Variants in STK4 observed in about 807,000 individuals in gnomAD.
The protein encoded by STK4 is serine/threonine-protein kinase 4.
Under a neutral mutation model 64.9 loss-of-function variants are expected in STK4, and 30 were observed. That is an observed-to-expected ratio of 0.46 (90% CI 0.35 to 0.63). The LOEUF is 0.63. Among genes scored for constraint, STK4 ranks in the 20% least tolerant of loss-of-function variants. The probability of loss-of-function intolerance (pLI) is 0.01; values close to 1 mark genes in which losing one functional copy is unlikely to be tolerated. For missense variants in STK4, 466 were observed against 598.5 expected (o/e 0.78, Z 2.31); for synonymous variants, 177 against 199.0 (o/e 0.89, Z 0.93).
chr20:44,995,716 T>C (rs2067718345), intron 6 of STK4, among the ~76,000 whole-genome samples: 1 of 152,058 alleles, frequency 6.6e-6, no homozygotes, highest in South Asian at 2.1e-4. Context: ...ACACCTCTAC[T>C]GACTCTAGTT....
At chr20:45,031,410 T>C (rs1163516813) in intron 10 of STK4, among the ~76,000 whole-genome samples, 2 of 152,050 alleles carry the variant, frequency 1.3e-5, no homozygotes, top group African/African-American at 4.8e-5. Flanking sequence ...GCATCAGTAA[T>C]CACAGTAAAT....
intron 10 of STK4, among the ~76,000 whole-genome samples, chr20:45,073,255 A>T (rs572012374): frequency 1.3e-5 from 2 of 152,168 alleles, no homozygotes; most frequent in African/African-American, 4.8e-5. Context: ...GGCTGGAAAG[A>T]TGCATTTTTT....
At chr20:45,026,728 G>A (rs551370081) in intron 10 of STK4, among the ~76,000 whole-genome samples, 1 of 152,130 alleles carries the variant, frequency 6.6e-6, no homozygotes, top group Non-Finnish European at 1.5e-5. Flanking sequence ...CATTATAGGA[G>A]AACTGTAGCG....
chr20:44,995,769 C>T (rs541628794), intron 6 of STK4, among the ~76,000 whole-genome samples: 154 of 152,266 alleles, frequency 1.0e-3, no homozygotes, highest in Middle Eastern at 6.8e-3. Flanking sequence ...CCTCTCCATT[C>T]CAGAGGTTGT....
intron 7 of STK4, among the ~76,000 whole-genome samples, chr20:44,998,990 C>T (rs1352361577): frequency 6.6e-6 from 1 of 151,682 alleles, no homozygotes; most frequent in Non-Finnish European, 1.5e-5. Context: ...AGCACTTGAA[C>T]CCGGGAGGCA....
At chr20:45,028,327 C>CT (rs76094387) in intron 10 of STK4, among the ~76,000 whole-genome samples, 494 of 141,044 alleles carry the variant, frequency 3.5e-3, no homozygotes, top group South Asian at 4.8e-3. Context: ...TGATATCTCT[C>CT]TTTTTTTTTT....
At chr20:45,014,358 G>A (rs2068103527) in intron 9 of STK4, among the ~76,000 whole-genome samples, 3 of 152,060 alleles carry the variant, frequency 2.0e-5, no homozygotes, top group African/African-American at 7.2e-5. Context: ...ACCGGGAGGC[G>A]GAGATTGCAG....
chr20:45,064,099 C>T (rs540877699), intron 10 of STK4, among the ~76,000 whole-genome samples: 2 of 148,886 alleles, frequency 1.3e-5, no homozygotes, highest in African/African-American at 2.5e-5. Flanking sequence ...TGAGCCACTG[C>T]GCCCGGCCAA....
chr20:44,987,261 A>G lies in STK4; in HGVS notation c.490A>G (p.Lys164Glu), dbSNP rs1318602836. The part of the protein sequence containing the change: ...NILLNTEGHA[K>E]LADFGVAGQL... Reference sequence around the variant, plus strand: ...TTTGCTAAATACAGAAGGACATGCAAAACTTGCAGATTTTGGGGTAGCAGG... The same window carrying G: ...TTTGCTAAATACAGAAGGACATGCAGAACTTGCAGATTTTGGGGTAGCAGG... Residue 164 changes from lysine to glutamate, a missense_variant, in exon 5 of 11, where the codon AAA (lysine) becomes GAA (glutamate). Physicochemically the swap from Lys to Glu is moderately conservative, Grantham distance 56 (BLOSUM62 1). Coordinates refer to ENST00000372806, the MANE Select transcript of STK4 (RefSeq NM_006282.5). 1 of 1,610,248 alleles carries G rather than the reference A, an allele frequency of 6.2e-7. No homozygotes were observed. Among genetic ancestry groups the G allele is most frequent in the African/African-American group, 1.3e-5 (1 of 74,712 alleles).
intron 9 of STK4, among the ~76,000 whole-genome samples, chr20:45,020,446 G>A (rs967104945): frequency 1.0e-4 from 12 of 119,756 alleles, no homozygotes; most frequent in African/African-American, 1.5e-4. Context: ...ATGCGTGTGT[G>A]TGTGTGTGTG....
chr20:44,972,421 T>C, intron 2 of STK4: 1 of 291,562 alleles, frequency 3.4e-6, no homozygotes, highest in South Asian at 1.1e-4. Flanking sequence ...ATAGCACTAA[T>C]TAGATTAAAA....
intron 5 of STK4, among the ~76,000 whole-genome samples, chr20:44,992,660 C>A (rs1568697941): frequency 6.6e-6 from 1 of 152,012 alleles, no homozygotes; most frequent in Non-Finnish European, 1.5e-5. Flanking sequence ...GCATGTGCCA[C>A]CATGCCTGGC....
intron 9 of STK4, among the ~76,000 whole-genome samples, chr20:45,006,935 T>C (rs943155688): frequency 2.6e-5 from 4 of 152,176 alleles, no homozygotes; most frequent in Non-Finnish European, 5.9e-5. Context: ...CTAAAGTCCT[T>C]GTGATTTGGT....
At chr20:44,995,400 G>A in intron 6 of STK4, 143 bp downstream of exon 6, 1 of 965,012 alleles carries the variant, frequency 1.0e-6, no homozygotes, top group Non-Finnish European at 1.4e-6. Context: ...GAGGTCAGGA[G>A]TTTGAGACCA....
intron 10 of STK4, among the ~76,000 whole-genome samples, chr20:45,043,861 T>G (rs1422392404): frequency 5.3e-5 from 8 of 152,244 alleles, no homozygotes; most frequent in African/African-American, 1.9e-4. Flanking sequence ...CCTTCCACTT[T>G]CCCCTCCTTT....
At chr20:45,007,758 T>A in intron 9 of STK4, 1 of 416,844 alleles carries the variant, frequency 2.4e-6, no homozygotes, top group South Asian at 1.8e-5. Flanking sequence ...TATTCATTTA[T>A]TTATTTAAAA....
intron 1 of STK4, among the ~76,000 whole-genome samples, chr20:44,968,211 C>T (rs1458948175): frequency 6.6e-6 from 1 of 151,962 alleles, no homozygotes; most frequent in African/African-American, 2.4e-5. Flanking sequence ...AATCTCGGCT[C>T]ACTGCTACTT....
chr20:45,008,554 T>C (rs1360452391), intron 9 of STK4, among the ~76,000 whole-genome samples: 1 of 152,238 alleles, frequency 6.6e-6, no homozygotes. Flanking sequence ...TTATTTTCCT[T>C]TGGGTATATA....
chr20:45,025,204 C>A (rs2068324107), intron 10 of STK4, 74 bp downstream of exon 10: 19 of 1,505,562 alleles, frequency 1.3e-5, no homozygotes, highest in Non-Finnish European at 1.7e-5. Context: ...AGTGCCCAAG[C>A]ATTTTCTTGT....
Sources: gnomAD v4.1 joint callset for allele counts (sites outside exome capture counted in the v4.1 genomes callset) on GRCh38, gnomAD v4.1.1 for gene constraint, MANE v1.5 for transcripts, NCBI Gene and HGNC (gene_info 2026-07-23, HGNC 2026-07-21) for gene names.